ADARB2: variants seen among roughly 807,000 people sequenced by gnomAD.
The protein encoded by ADARB2 is adenosine deaminase RNA specific B2 (inactive), also known as inactive double-stranded RNA-specific editase B2.
A neutral mutation model predicts 62.2 loss-of-function variants in ADARB2; 25 were observed. The observed-to-expected ratio is 0.40, with a 90% CI of 0.29 to 0.56. The LOEUF is 0.56. Among genes scored for constraint, ADARB2 ranks in the 20% least tolerant of loss-of-function variants. ADARB2 has a pLI of 0.43. For synonymous variants in ADARB2, 572 were observed against 500.8 expected, an observed-to-expected ratio of 1.14 and a Z score of -1.90; for missense variants, 1,071 against 1,077.4, an observed-to-expected ratio of 0.99 and a Z score of 0.08.
chr10:1,350,343 A>G (rs1478944430), intron 3 of ADARB2, among the ~76,000 whole-genome samples: 2 of 150,778 alleles, frequency 1.3e-5, no homozygotes, highest in African/African-American at 4.9e-5. Context: ...CCTCTTTCCA[A>G]TCTTCCTTTT....
intron 1 of ADARB2, among the ~76,000 whole-genome samples, chr10:1,504,235 C>A (rs1387423964): frequency 6.6e-6 from 1 of 152,220 alleles, no homozygotes; most frequent in African/African-American, 2.4e-5. Flanking sequence ...CTTCCAGCAG[C>A]AGCTCTCACA....
At chr10:1,705,813 G>T (rs1834882547) in intron 1 of ADARB2, among the ~76,000 whole-genome samples, 1 of 152,316 alleles carries the variant, frequency 6.6e-6, no homozygotes, top group African/African-American at 2.4e-5. Context: ...CAGGGACAAT[G>T]AGAGGTATAC....
chr10:1,368,865 C>T (rs1389423464), intron 2 of ADARB2, among the ~76,000 whole-genome samples: 2 of 121,926 alleles, frequency 1.6e-5, no homozygotes, highest in Admixed American at 7.6e-5. Flanking sequence ...GCCGAGCTCG[C>T]CCTGTGGCAG....
At chr10:1,550,455 T>C (rs1239285729) in intron 1 of ADARB2, among the ~76,000 whole-genome samples, 2 of 152,204 alleles carry the variant, frequency 1.3e-5, no homozygotes, top group Admixed American at 6.5e-5. Flanking sequence ...AGAGCCACCA[T>C]AGGTCTTTGA....
At chr10:1,387,575 G>A (rs957394813) in intron 1 of ADARB2, among the ~76,000 whole-genome samples, 7 of 152,100 alleles carry the variant, frequency 4.6e-5, no homozygotes, top group Non-Finnish European at 8.8e-5. Context: ...AAAACCAGAA[G>A]AGTGCAATAT....
At chr10:1,734,799 A>G (rs1247547701) in intron 1 of ADARB2, among the ~76,000 whole-genome samples, 1 of 152,238 alleles carries the variant, frequency 6.6e-6, no homozygotes, top group Non-Finnish European at 1.5e-5. Context: ...GAGTTTTAAT[A>G]TCAGATAAGC....
At chr10:1,516,983 C>G (rs1321814899) in intron 1 of ADARB2, among the ~76,000 whole-genome samples, 1 of 152,166 alleles carries the variant, frequency 6.6e-6, no homozygotes, top group East Asian at 1.9e-4. Flanking sequence ...TCCCCCACGC[C>G]GGCCAGTCCC....
Position 1,201,620 on chromosome 10 carries a change from C to T in ADARB2, c.1683-1473G>A, listed in dbSNP as rs534338465. ...AGTGTCTGCCTGGATCTCGGATGGTCGTAAGCCACAGAGCACCTGTCACTG... is the reference window on the plus strand; with the variant it reads ...AGTGTCTGCCTGGATCTCGGATGGTTGTAAGCCACAGAGCACCTGTCACTG... On this transcript the variant is annotated intron_variant, in intron 7 of 9. Coordinates refer to ENST00000381312, the MANE Select transcript of ADARB2 (RefSeq NM_018702.4). Among the ~76,000 whole-genome samples, 8 of 135,240 alleles carry T rather than the reference C, an allele frequency of 5.9e-5. No individual in the cohort carries two copies. In the East Asian group the frequency reaches 8.9e-4, roughly 15 times the overall value. The allele number at this position is 135,240 out of a possible 152,430, so 88.7% of individuals were successfully genotyped here. A position where few individuals can be genotyped will look rare whatever the true frequency, so the allele number is the denominator to read the frequency against.
At chr10:1,213,817 C>T (rs755810196) in intron 7 of ADARB2, among the ~76,000 whole-genome samples, 1 of 152,220 alleles carries the variant, frequency 6.6e-6, no homozygotes, top group Non-Finnish European at 1.5e-5. Flanking sequence ...CTTGAGTGGC[C>T]ACTGAGTGCT....
chr10:1,480,663 A>C (rs1051780549), intron 1 of ADARB2, among the ~76,000 whole-genome samples: 1 of 82,094 alleles, frequency 1.2e-5, no homozygotes, highest in Non-Finnish European at 2.8e-5. Context: ...GTGCCCCTGC[A>C]CTCCAACCTG....
At chr10:1,685,571 CAT>C (rs1184201462) in intron 1 of ADARB2, among the ~76,000 whole-genome samples, 1 of 152,230 alleles carries the variant, frequency 6.6e-6, no homozygotes, top group African/African-American at 2.4e-5. Context: ...CTCATTCCCT[CAT>C]AAAATGGAAT....
intron 4 of ADARB2, among the ~76,000 whole-genome samples, chr10:1,266,230 A>G (rs1414564361): frequency 2.0e-5 from 3 of 152,184 alleles, no homozygotes; most frequent in African/African-American, 7.2e-5. Context: ...CCAGTGGAAG[A>G]GAGAGCAGCT....
In ADARB2 at chr10:1,368,638, C is replaced by T. The variant is rs975800773; in HGVS notation, c.188-4721G>A. Among the ~76,000 whole-genome samples the T allele has an allele frequency of 3.3e-5, 5 of 152,214 alleles. No individual in the cohort carries two copies. In the East Asian group the frequency reaches 5.8e-4, roughly 18 times the overall value. On this transcript the variant is annotated intron_variant, in intron 2 of 9. Coordinates refer to ENST00000381312, the MANE Select transcript of ADARB2 (RefSeq NM_018702.4). ...GCCGAGAGCAGCATTAGCTTTTCCACACACAACAAAGCCTCCTCTCTCTCT... is the reference window on the plus strand; with the variant it reads ...GCCGAGAGCAGCATTAGCTTTTCCATACACAACAAAGCCTCCTCTCTCTCT...
chr10:1,553,062 C>G (rs957138166), intron 1 of ADARB2, among the ~76,000 whole-genome samples: 2 of 152,188 alleles, frequency 1.3e-5, no homozygotes, highest in African/African-American at 4.8e-5. Flanking sequence ...AGCTCCCTGC[C>G]GGAGACCCTG....
chr10:1,270,916 A>C, intron 4 of ADARB2, 39 bp downstream of exon 4: 4 of 1,560,886 alleles, frequency 2.6e-6, no homozygotes, highest in South Asian at 1.1e-5. Context: ...TCCTTTCTTT[A>C]GAGATGAAAA....
chr10:1,396,341 C>T (rs746555751), intron 1 of ADARB2, among the ~76,000 whole-genome samples: 36 of 152,166 alleles, frequency 2.4e-4, no homozygotes, highest in Non-Finnish European at 4.3e-4. Context: ...TGGGCGCCCA[C>T]GCCTCGGCCG....
At chr10:1,712,657 G>T in intron 1 of ADARB2, among the ~76,000 whole-genome samples, 1 of 396 alleles carries the variant, frequency 2.5e-3, no homozygotes, top group Non-Finnish European at 5.3e-3. Context: ...CCCAGGGAAG[G>T]AGGGCACTGG....
chr10:1,484,144 T>C (rs1036544895), intron 1 of ADARB2, among the ~76,000 whole-genome samples: 19 of 152,216 alleles, frequency 1.2e-4, no homozygotes, highest in African/African-American at 4.3e-4. Flanking sequence ...CAAGATACAT[T>C]AATCCTCTCG....
intron 1 of ADARB2, among the ~76,000 whole-genome samples, chr10:1,499,053 C>T (rs1035070809): frequency 4.0e-5 from 6 of 149,054 alleles, no homozygotes; most frequent in African/African-American, 1.2e-4. Context: ...CATTACTCGT[C>T]ATTCACTCAT....
Sources: allele counts gnomAD v4.1 joint callset (sites outside exome capture counted in the v4.1 genomes callset), GRCh38; gene constraint gnomAD v4.1.1; transcripts MANE v1.5; gene names NCBI Gene and HGNC (gene_info 2026-07-23, HGNC 2026-07-21).